The following DMD variants were observed in gnomAD, a reference collection of about 807,000 sequenced individuals.
DMD encodes mutant dystrophin.
A neutral mutation model predicts 330.1 loss-of-function variants in DMD; 63 were observed. The ratio of observed to expected loss-of-function variants is 0.19; its 90% CI spans 0.16 to 0.24. The LOEUF (loss-of-function observed/expected upper bound fraction) is 0.24. DMD is among the 10% of genes least tolerant of loss of function. The pLI is 1.00. For missense variants in DMD, 3,344 were observed against 2,684.1 expected (o/e 1.25, Z -5.43); for synonymous variants, 1,223 against 959.8 (o/e 1.27, Z -5.07).
intron 6 of DMD, among the ~76,000 whole-genome samples, chrX:32,810,733 G>A (rs1046554215): frequency 9.0e-6 from 1 of 111,519 alleles, no homozygotes; most frequent in Admixed American, 9.6e-5. Context: ...GCATAGCAGA[G>A]TTGCCAGAGT....
At chrX:33,101,545 C>T (rs1471824774) in intron 1 of DMD, among the ~76,000 whole-genome samples, 3 of 111,550 alleles carry the variant, frequency 2.7e-5, no homozygotes, top group Admixed American at 1.9e-4. Context: ...GCAGGAGAAT[C>T]GCTTGAACCA....
chrX:32,926,118 C>T (rs888540781), intron 2 of DMD, among the ~76,000 whole-genome samples: 19 of 112,201 alleles, frequency 1.7e-4, no homozygotes, highest in African/African-American at 5.8e-4. Flanking sequence ...ATAATTCAGA[C>T]ATGAAAGAAG....
chrX:31,543,136 G>GT (rs113087179), intron 55 of DMD, among the ~76,000 whole-genome samples: 21,485 of 104,392 alleles, frequency 0.21, 2,321 homozygotes, highest in African/African-American at 0.39. Context: ...TTGCTGGCCT[G>GT]TTTTTTTTTT....
chrX:32,659,375 A>G (rs973416690), intron 9 of DMD, among the ~76,000 whole-genome samples: 1 of 111,555 alleles, frequency 9.0e-6, no homozygotes, highest in African/African-American at 3.3e-5. Context: ...AGAAATCCCT[A>G]TGGGGGAACT....
chrX:32,521,375 C>T (rs2046405068), intron 17 of DMD, among the ~76,000 whole-genome samples: 1 of 111,703 alleles, frequency 9.0e-6, no homozygotes, highest in Non-Finnish European at 1.9e-5. Flanking sequence ...TGATGCCACT[C>T]TATTCTAATT....
At chrX:31,912,043 C>A (rs906278047) in intron 47 of DMD, among the ~76,000 whole-genome samples, 1 of 111,232 alleles carries the variant, frequency 9.0e-6, no homozygotes, top group African/African-American at 3.3e-5. Context: ...GGATTTTAAA[C>A]GACAACTGGC....
chrX:31,465,903 T>A (rs957838278), intron 59 of DMD, among the ~76,000 whole-genome samples: 1 of 111,578 alleles, frequency 9.0e-6, no homozygotes, highest in East Asian at 2.8e-4. Context: ...CCATTGTAAC[T>A]GGTGTGTTTT....
intron 1 of DMD, among the ~76,000 whole-genome samples, chrX:33,168,299 T>C (rs753814834): frequency 9.9e-5 from 11 of 111,031 alleles, no homozygotes; most frequent in Non-Finnish European, 2.1e-4. Context: ...ATTTACTATA[T>C]ATTTTTTAAC....
intron 2 of DMD, among the ~76,000 whole-genome samples, chrX:32,960,642 C>T (rs113608051): frequency 0.029 from 3,188 of 111,119 alleles, 113 homozygotes; most frequent in African/African-American, 0.1. Context: ...CCCTTTAAAA[C>T]TCCCAGTCAC....
chrX:31,207,134 A>C (rs958917764), intron 65 of DMD, among the ~76,000 whole-genome samples: 2 of 111,727 alleles, frequency 1.8e-5, no homozygotes, highest in African/African-American at 6.5e-5. Context: ...AAATGCTCAG[A>C]TCTTCATCAG....
At chrX:33,243,925 TA>T (rs2052627007) in intron 1 of DMD, among the ~76,000 whole-genome samples, 1 of 111,938 alleles carries the variant, frequency 8.9e-6, no homozygotes, top group Admixed American at 9.5e-5. Flanking sequence ...AGAAATTACT[TA>T]ATGTGTACAA....
At chrX:32,854,876 G>T (rs2081416039) in intron 2 of DMD, among the ~76,000 whole-genome samples, 1 of 111,521 alleles carries the variant, frequency 9.0e-6, no homozygotes, top group South Asian at 3.7e-4. Flanking sequence ...CAGATATCCA[G>T]AAAACAAAAC....
chrX:32,468,712 T>TA lies in DMD; in HGVS notation c.2950-3dup. The TA allele has an allele frequency of 8.3e-7, 1 of 1,198,896 alleles. No individual in the cohort carries two copies. The highest frequency in any genetic ancestry group is 1.1e-6 in the Non-Finnish European group (1 of 884,878). On this transcript the variant is annotated splice_polypyrimidine_tract_variant and splice_region_variant and intron_variant, in intron 22 of 78. Transcript: ENST00000357033. ...CTCTTGCAGAGAACTTTGTAAAGCCTAAAAAACAATTTTTTAAATACATTT... is the reference window on the plus strand; with the variant it reads ...CTCTTGCAGAGAACTTTGTAAAGCCTAAAAAAACAATTTTTTAAATACATTT...
At chrX:31,431,788 T>TTTTCTTTC (rs59493758) in intron 60 of DMD, among the ~76,000 whole-genome samples, 11,346 of 109,314 alleles carry the variant, frequency 0.1, 540 homozygotes, top group East Asian at 0.32. Context: ...AATTAAAATA[T>TTTTCTTTC]TTTCTTTCTT....
Position 32,345,981 on chromosome X carries a change from T to C in DMD, c.5548A>G (p.Lys1850Glu), listed in dbSNP as rs141261536. 28 of 1,207,733 alleles carry C rather than the reference T, an allele frequency of 2.3e-5. No individual in the cohort carries two copies. The African/African-American group carries it at 2.6e-4, about 11-fold the overall frequency. The change falls in exon 39 of 79, where the codon AAA (lysine) becomes GAA (glutamate). Residue 1850 changes from lysine (K) to glutamate (E), a missense_variant. By Grantham distance (56) the Lys-to-Glu change is moderately conservative. Transcript: ENST00000357033. The stretch of plus-strand genomic sequence containing the variant: ...TGTTTTGTCTGTAACAGCTGCTGTT[T>C]TATCTTTATTTCCTCTCGCTTTCTC... ...DERKREEIKI[K>E]QQLLQTKHNA...
At chrX:32,802,032 T>C (rs1332656425) in intron 7 of DMD, among the ~76,000 whole-genome samples, 1 of 112,210 alleles carries the variant, frequency 8.9e-6, no homozygotes, top group African/African-American at 3.2e-5. Flanking sequence ...GTAGTTTTTT[T>C]CTAATTCTGT....
chrX:33,277,105 T>C (rs1263273309), intron 1 of DMD, among the ~76,000 whole-genome samples: 2 of 111,516 alleles, frequency 1.8e-5, no homozygotes, highest in Non-Finnish European at 3.8e-5. Context: ...GTTATCCTTT[T>C]ATAGGCCACC....
intron 47 of DMD, among the ~76,000 whole-genome samples, chrX:31,893,291 T>C (rs12014135): frequency 1.8e-5 from 2 of 110,176 alleles, no homozygotes; most frequent in African/African-American, 6.6e-5. Flanking sequence ...CCTAGACTCA[T>C]TGAAAAGAAG....
At chrX:32,374,267 T>C (rs990325543) in intron 34 of DMD, among the ~76,000 whole-genome samples, 1 of 111,802 alleles carries the variant, frequency 8.9e-6, no homozygotes, top group African/African-American at 3.2e-5. Flanking sequence ...CTGTTTACTG[T>C]GTTGATTGTT....
Sources: allele counts gnomAD v4.1 joint callset (sites outside exome capture counted in the v4.1 genomes callset), GRCh38; gene constraint gnomAD v4.1.1; transcripts MANE v1.5; gene names NCBI Gene and HGNC (gene_info 2026-07-23, HGNC 2026-07-21).